The following NOS3 variants were observed in gnomAD, a reference collection of about 807,000 sequenced individuals.
The protein encoded by NOS3 is NOS type III.
Under a neutral mutation model 144.9 loss-of-function variants are expected in NOS3, and 98 were observed. That is an observed-to-expected ratio of 0.68 (90% CI 0.57 to 0.80). The LOEUF (loss-of-function observed/expected upper bound fraction) is 0.80. Ranked by LOEUF, NOS3 falls within the 30% of genes least tolerant of loss-of-function variation. The pLI, the probability that NOS3 is intolerant of heterozygous loss-of-function variation, is 0.00. For synonymous variants in NOS3, 714 were observed against 702.4 expected (o/e 1.02, Z -0.26); for missense variants, 1,465 against 1,656.4 (o/e 0.88, Z 2.01).
Position 151,012,487 on chromosome 7 carries a change from T to A in NOS3, c.3106+15T>A, listed in dbSNP as rs528894843. On this transcript the variant is annotated intron_variant, in intron 24 of 26. Coordinates refer to ENST00000297494, the MANE Select transcript of NOS3 (RefSeq NM_000603.5). Reference sequence around the variant, plus strand: ...TGAGAGCAAAGGTGAGGCTGGGGACTAAAGGACTGCCTGAAGGGAGTCACA... The same window carrying A: ...TGAGAGCAAAGGTGAGGCTGGGGACAAAAGGACTGCCTGAAGGGAGTCACA... The A allele has an allele frequency of 3.1e-6, 5 of 1,609,218 alleles. No homozygotes were observed. In the South Asian group the frequency reaches 3.3e-5, roughly 11 times the overall value.
chr7:151,001,745 G>A (rs1346812195), intron 12 of NOS3, 76 bp from the exon 13 acceptor site: 4 of 1,593,854 alleles, frequency 2.5e-6, no homozygotes, highest in Admixed American at 1.7e-5. Context: ...ACCCTGTTGT[G>A]AGGGGGTTGG....
chr7:151,011,079 CAGGA>C (rs1795295294), intron 23 of NOS3, 93 bp downstream of exon 23: 4 of 814,264 alleles, frequency 4.9e-6, no homozygotes, highest in Non-Finnish European at 6.2e-6. Context: ...TCACTGGAAA[CAGGA>C]AGGAGCTCTG....
At chr7:151,013,481 C>G in intron 25 of NOS3, 102 bp downstream of exon 25, 7 of 1,412,236 alleles carry the variant, frequency 5.0e-6, no homozygotes, top group Non-Finnish European at 4.8e-6. Context: ...CCCGTGGCCT[C>G]CCACGACCAC....
Position 150,993,160 on chromosome 7 carries a change from G to A in NOS3, c.-51-593G>A, listed in dbSNP as rs531562303. Among the ~76,000 whole-genome samples the A allele has an allele frequency of 2.6e-5, 4 of 152,294 alleles. No homozygotes were observed. Among genetic ancestry groups the A allele is most frequent in the African/African-American group, 9.6e-5 (4 of 41,546 alleles). ...GGGTTCCAGGAAATTGGGGCTGGGA[G>A]GGGAAGGGATACCCTAATGTCAGAC... is the stretch of plus-strand genomic sequence containing the variant. On this transcript the variant is annotated intron_variant, in intron 1 of 26. Coordinates refer to ENST00000297494, the MANE Select transcript of NOS3 (RefSeq NM_000603.5). This position sits in a 1 kb window ranked among gnomAD's most constrained non-coding sequence, Gnocchi z 4.0.
At chr7:150,991,806 G>A (rs148290732) in intron 1 of NOS3, among the ~76,000 whole-genome samples, 28 of 152,238 alleles carry the variant, frequency 1.8e-4, no homozygotes, top group African/African-American at 6.0e-4. Context: ...GACCAGCCTG[G>A]TCAACATGGT....
chr7:151,010,167 G>A lies in NOS3; in HGVS notation c.2565G>A (p.Leu855=), dbSNP rs772726702. ...VRDPRLPPCT[L]RQALTFFLDI... ...ACCCCCGGCTGCCCCCGTGCACGCT[G>A]CGCCAGGCTCTCACCTTCTTCCTGG... The change falls in exon 21 of 27, where the codon CTG becomes CTA. Residue 855 remains leucine (L), a synonymous_variant. Coordinates refer to ENST00000297494, the MANE Select transcript of NOS3 (RefSeq NM_000603.5). The A allele has an allele frequency of 1.3e-5, 21 of 1,611,122 alleles. 1 individual carries two copies. The East Asian group carries it at 4.7e-4, about 36-fold the overall frequency.
intron 9 of NOS3, 110 bp downstream of exon 9, chr7:150,999,474 G>C: frequency 1.6e-6 from 2 of 1,229,700 alleles, no homozygotes; most frequent in South Asian, 3.0e-5. Flanking sequence ...AGCAGGTCCA[G>C]GGTTGCCTCC....
chr7:151,001,191 G>A, intron 10 of NOS3, 40 bp from the exon 11 acceptor site: 1 of 1,600,716 alleles, frequency 6.2e-7, no homozygotes, highest in Non-Finnish European at 8.5e-7. Flanking sequence ...CGAGGTCTGT[G>A]GGTCTGGTTT....
Position 150,998,620 on chromosome 7 carries a change from G to C in NOS3, c.756G>C (p.Ala252=). ...RIWNSQLVRY[A]GYRQQDGSVR... is the part of the protein sequence containing the mutation. ...GGAACAGCCAGCTGGTGCGCTACGC[G>C]GGCTACCGGCAGCAGGATGGCTCTG... Residue 252 remains alanine (A), a synonymous_variant, in exon 7 of 27, where the codon GCG becomes GCC. Transcript: ENST00000297494. This position sits in a 1 kb window ranked among gnomAD's most constrained non-coding sequence, Gnocchi z 5.0. The C allele has an allele frequency of 6.2e-7, 1 of 1,609,080 alleles. No individual in the cohort carries two copies. Among genetic ancestry groups the C allele is most frequent in the Non-Finnish European group, 8.5e-7 (1 of 1,178,854 alleles).
rs560089145 is a variant in NOS3 at position 151,014,335 on chromosome 7, C to G, written c.*166C>G. The G allele has an allele frequency of 2.7e-5, 21 of 765,312 alleles. No homozygotes were observed. The South Asian group carries it at 3.8e-4, about 14-fold the overall frequency. The allele number at this position is 765,312 out of a possible 1,614,324, so 47.4% of individuals were successfully genotyped here. A position where few individuals can be genotyped will look rare whatever the true frequency, so the allele number is the denominator to read the frequency against. On this transcript the variant is annotated 3_prime_UTR_variant, in exon 27 of 27. Coordinates refer to ENST00000297494, the MANE Select transcript of NOS3 (RefSeq NM_000603.5). Reference sequence around the variant, plus strand: ...TCCTCCAGGAAGGAGCAAAACGCCTCTTTTCCCTCTCTAGGCCTGTTGCCT... The same window carrying G: ...TCCTCCAGGAAGGAGCAAAACGCCTGTTTTCCCTCTCTAGGCCTGTTGCCT...
chr7:150,997,897 C>T (rs1563214736), intron 5 of NOS3, among the ~76,000 whole-genome samples: 1 of 152,200 alleles, frequency 6.6e-6, no homozygotes, highest in African/African-American at 2.4e-5. Context: ...GGCCTCCACT[C>T]AGAATGTCAG....
At position 150,993,772 on chromosome 7, in the gene NOS3, T is replaced by C. The variant is rs1443547941; in HGVS notation, c.-32T>C. On this transcript the variant is annotated 5_prime_UTR_variant, in exon 2 of 27. Transcript: ENST00000297494. The surrounding 1 kb of genome is among the most constrained non-coding windows in gnomAD (Gnocchi z 4.0). ...CCTAAGGAAAAGGCCAGGGCTCTGC[T>C]GGAGCAGGCAGCAGAGTGGACGCAC... 6.4e-7 allele frequency: 1 copy of C among 1,572,446 alleles called. No individual in the cohort carries two copies.
At chr7:150,995,168 CCCTT>C (rs777020426) in intron 2 of NOS3, 31 bp from the exon 3 acceptor site, 1 of 1,266,530 alleles carries the variant, frequency 7.9e-7, no homozygotes, top group East Asian at 2.4e-5. Context: ...AGGAAACAAA[CCCTT>C]CCTGATGACC....
Position 151,009,425 on chromosome 7 carries a change from C to T in NOS3, c.2352C>T (p.Asp784=), listed in dbSNP as rs536326010. Residue 784 remains aspartate (D), a synonymous_variant, in exon 20 of 27, where the codon GAC becomes GAT. Transcript: ENST00000297494. ...GGGCCACCATCCTGGTGCGCCTGGA[C>T]ACCGGAGGCCAGGAGGGGCTGCAGT... The part of the protein sequence containing the change: ...STRATILVRL[D]TGGQEGLQYQ... 7.8e-6 allele frequency: 12 copies of T among 1,544,540 alleles called. 1 individual carries two copies. The South Asian group carries it at 1.4e-4, about 18-fold the overall frequency.
rs1239035747 is a variant in NOS3 at position 151,010,269 on chromosome 7, G to A, written c.2667G>A (p.Glu889=). The change falls in exon 21 of 27, where the codon GAG becomes GAA. Residue 889 remains glutamate, a synonymous_variant. Coordinates refer to ENST00000297494, the MANE Select transcript of NOS3 (RefSeq NM_000603.5). The stretch of plus-strand genomic sequence containing the variant: ...CAGAAGAGCCCAGGGAACAGCAGGA[G>A]CTGGAGGCCCTCAGCCAGGTTGGGG... ...TLAEEPREQQ[E]LEALSQDPRR... is the part of the protein sequence containing the mutation. 1.9e-6 allele frequency: 3 copies of A among 1,612,870 alleles called. No individual in the cohort carries two copies. The East Asian group carries it at 6.7e-5, about 36-fold the overall frequency.
At position 151,005,190 on chromosome 7, in the gene NOS3, G is replaced by C. The variant is rs111403698; in HGVS notation, c.1753-1237G>C. ...CTGGTTGCACAGGTGTGTTCAGTTTGTGAAAACTTACAGAGTTGTACATTT... is the reference window on the plus strand; with the variant it reads ...CTGGTTGCACAGGTGTGTTCAGTTTCTGAAAACTTACAGAGTTGTACATTT... On this transcript the variant is annotated intron_variant, in intron 14 of 26. Transcript: ENST00000297494. 3.7e-4 allele frequency among the ~76,000 whole-genome samples: 56 copies of C among 152,318 alleles called. 1 individual carries two copies. The highest frequency in any genetic ancestry group is 1.3e-3 in the African/African-American group (54 of 41,562).
intron 10 of NOS3, 50 bp from the exon 11 acceptor site, chr7:151,001,181 C>A (rs189155703): frequency 2.5e-6 from 4 of 1,584,092 alleles, no homozygotes; most frequent in East Asian, 2.2e-5. Flanking sequence ...GAAGAATGGG[C>A]GAGGTCTGTG....
chr7:151,008,045 A>G (rs1048043207), intron 17 of NOS3, among the ~76,000 whole-genome samples: 9 of 152,206 alleles, frequency 5.9e-5, no homozygotes, highest in Admixed American at 1.3e-4. Flanking sequence ...ATTGGGAAGA[A>G]GGGAACGGAA....
At chr7:151,012,675 ATAG>A in intron 24 of NOS3, 4 of 563,030 alleles carry the variant, frequency 7.1e-6, no homozygotes, top group South Asian at 4.7e-5. Flanking sequence ...TGCCTGGTAC[ATAG>A]TAGGTGTTGA....
Sources: gnomAD v4.1 joint callset for allele counts (sites outside exome capture counted in the v4.1 genomes callset) on GRCh38, gnomAD v4.1.1 for gene constraint, Gnocchi (gnomAD v3.1) non-coding constraint, MANE v1.5 for transcripts, NCBI Gene and HGNC (gene_info 2026-07-23, HGNC 2026-07-21) for gene names.